VWC2L: variants seen among roughly 807,000 people sequenced by gnomAD.
VWC2L encodes von Willebrand factor C domain-containing protein 2-like.
Under a neutral mutation model 21.6 loss-of-function variants are expected in VWC2L, and 10 were observed. The ratio of observed to expected loss-of-function variants is 0.46; its 90% CI spans 0.29 to 0.78. The LOEUF is 0.78. Among genes scored for constraint, VWC2L ranks in the 30% least tolerant of loss-of-function variants. VWC2L has a pLI of 0.10. For synonymous variants in VWC2L, 96 were observed against 94.3 expected, an observed-to-expected ratio of 1.02 and a Z score of -0.10; for missense variants, 209 against 277.1, an observed-to-expected ratio of 0.75 and a Z score of 1.74.
chr2:214,544,051 G>A (rs1291873595), intron 3 of VWC2L, among the ~76,000 whole-genome samples: 1 of 152,138 alleles, frequency 6.6e-6, no homozygotes, highest in Non-Finnish European at 1.5e-5. Context: ...AAATAGTATT[G>A]TTATCTCTGC....
chr2:214,449,454 T>A (rs908676871), intron 3 of VWC2L, among the ~76,000 whole-genome samples: 8 of 151,892 alleles, frequency 5.3e-5, no homozygotes, highest in African/African-American at 1.7e-4. Context: ...GGAGAAAAAA[T>A]TGATTGTAGG....
At chr2:214,421,758 TC>T (rs529171118) in intron 2 of VWC2L, among the ~76,000 whole-genome samples, 1 of 150,768 alleles carries the variant, frequency 6.6e-6, no homozygotes, top group Non-Finnish European at 1.5e-5. Flanking sequence ...AGATTTTAAC[TC>T]CAACTGTACA....
intron 3 of VWC2L, among the ~76,000 whole-genome samples, chr2:214,482,334 T>C (rs1190470509): frequency 6.6e-6 from 1 of 152,144 alleles, no homozygotes; most frequent in Non-Finnish European, 1.5e-5. Flanking sequence ...TAAAACACGC[T>C]ACTCAATTCC....
chr2:214,484,157 C>T (rs1688644348), intron 3 of VWC2L, among the ~76,000 whole-genome samples: 1 of 152,164 alleles, frequency 6.6e-6, no homozygotes, highest in Non-Finnish European at 1.5e-5. Flanking sequence ...ACACCAGTTA[C>T]TGGATTAGGG....
chr2:214,517,058 T>G (rs1689155088), intron 3 of VWC2L, among the ~76,000 whole-genome samples: 2 of 152,202 alleles, frequency 1.3e-5, no homozygotes, highest in Admixed American at 6.5e-5. Flanking sequence ...GCTCAGAAAT[T>G]TATTCCCTGC....
chr2:214,439,320 A>G (rs1333567735), intron 3 of VWC2L, among the ~76,000 whole-genome samples: 1 of 152,006 alleles, frequency 6.6e-6, no homozygotes, highest in African/African-American at 2.4e-5. Flanking sequence ...TAAGTTTCCA[A>G]CACATGATTT....
At chr2:214,452,648 AC>A (rs752891959) in intron 3 of VWC2L, among the ~76,000 whole-genome samples, 1 of 152,050 alleles carries the variant, frequency 6.6e-6, no homozygotes. Context: ...TGTATACGTA[AC>A]TTTTTTTTAA....
At chr2:214,548,057 C>T (rs1348446239) in intron 3 of VWC2L, among the ~76,000 whole-genome samples, 1 of 152,202 alleles carries the variant, frequency 6.6e-6, no homozygotes, top group Admixed American at 6.5e-5. Flanking sequence ...CTGCCTTCTT[C>T]CGGTGTCTTC....
At chr2:214,497,202 T>C (rs988915960) in intron 3 of VWC2L, among the ~76,000 whole-genome samples, 14 of 28,010 alleles carry the variant, frequency 5.0e-4, no homozygotes, top group African/African-American at 1.7e-3. Flanking sequence ...TTTGATAGTG[T>C]ATTGGAAAGG....
At chr2:214,523,400 T>C (rs557718824) in intron 3 of VWC2L, among the ~76,000 whole-genome samples, 4 of 152,372 alleles carry the variant, frequency 2.6e-5, no homozygotes, top group Non-Finnish European at 4.4e-5. Context: ...TTGCTGGTTG[T>C]TCTTTGAATT....
intron 3 of VWC2L, among the ~76,000 whole-genome samples, chr2:214,457,690 A>G (rs1267448750): frequency 6.6e-6 from 1 of 152,054 alleles, no homozygotes; most frequent in East Asian, 1.9e-4. Flanking sequence ...TCATGAATGG[A>G]TGTTGAATTT....
intron 3 of VWC2L, among the ~76,000 whole-genome samples, chr2:214,574,012 C>T (rs1204718442): frequency 1.3e-5 from 2 of 152,126 alleles, no homozygotes; most frequent in African/African-American, 4.8e-5. Flanking sequence ...TGTGATGGCG[C>T]TTGCCTGTAG....
chr2:214,473,347 C>A (rs1703338370), intron 3 of VWC2L, among the ~76,000 whole-genome samples: 1 of 152,092 alleles, frequency 6.6e-6, no homozygotes, highest in Non-Finnish European at 1.5e-5. Context: ...TGGTTGAAGG[C>A]AATAGTAGTT....
At chr2:214,472,017 T>C (rs1427186358) in intron 3 of VWC2L, 3 of 152,190 alleles carry the variant, frequency 2.0e-5, no homozygotes, top group African/African-American at 7.2e-5. Flanking sequence ...TTTCTCTTAA[T>C]GATTGTGTTT....
At chr2:214,443,389 A>C (rs1426086624) in intron 3 of VWC2L, among the ~76,000 whole-genome samples, 2 of 152,090 alleles carry the variant, frequency 1.3e-5, no homozygotes, top group Non-Finnish European at 2.9e-5. Flanking sequence ...AAAACAAAAA[A>C]ACAAAAAAAA....
At chr2:214,466,867 A>G (rs1559299416) in intron 3 of VWC2L, among the ~76,000 whole-genome samples, 1 of 152,004 alleles carries the variant, frequency 6.6e-6, no homozygotes, top group Non-Finnish European at 1.5e-5. Flanking sequence ...TTATTCTGAT[A>G]TCTGTGTTAG....
chr2:214,546,960 C>A (rs571358620), intron 3 of VWC2L, among the ~76,000 whole-genome samples: 1 of 152,218 alleles, frequency 6.6e-6, no homozygotes, highest in East Asian at 1.9e-4. Flanking sequence ...TCCTTCTATG[C>A]CACGTACTGA....
At chr2:214,554,570 G>A (rs1281833389) in intron 3 of VWC2L, among the ~76,000 whole-genome samples, 1 of 152,140 alleles carries the variant, frequency 6.6e-6, no homozygotes, top group Non-Finnish European at 1.5e-5. Flanking sequence ...GGCTGAGGCA[G>A]GAGAATCGCT....
intron 3 of VWC2L, among the ~76,000 whole-genome samples, chr2:214,454,999 A>G (rs1222294538): frequency 1.3e-5 from 2 of 152,096 alleles, no homozygotes; most frequent in Non-Finnish European, 2.9e-5. Flanking sequence ...TTTTTTAAAA[A>G]TTGGTCATCT....
Sources: gnomAD v4.1 joint callset for allele counts (sites outside exome capture counted in the v4.1 genomes callset) on GRCh38, gnomAD v4.1.1 for gene constraint, MANE v1.5 for transcripts, NCBI Gene and HGNC (gene_info 2026-07-23, HGNC 2026-07-21) for gene names.